The following TRPM3 variants were observed in gnomAD, a reference collection of about 807,000 sequenced individuals.
TRPM3 encodes transient receptor potential cation channel subfamily M member 3, also known as long transient receptor potential channel 3.
In TRPM3, 77 loss-of-function variants were observed where a neutral mutation model predicts 181.2. The observed-to-expected ratio is 0.42, with a 90% confidence interval of 0.35 to 0.51. TRPM3 has a LOEUF of 0.51. TRPM3 is among the 20% of genes least tolerant of loss of function. The pLI, the probability that TRPM3 is intolerant of heterozygous loss-of-function variation, is 0.01. For synonymous variants in TRPM3, 745 were observed against 796.4 expected (o/e 0.94, Z 1.09); for missense variants, 1,759 against 2,196.7 (o/e 0.80, Z 3.98).
chr9:71,335,064 T>G (rs892365371), intron 1 of TRPM3, among the ~76,000 whole-genome samples: 1 of 152,140 alleles, frequency 6.6e-6, no homozygotes, highest in African/African-American at 2.4e-5. Context: ...TGAAATGAAC[T>G]AGAAGGTATT....
intron 9 of TRPM3, among the ~76,000 whole-genome samples, chr9:70,658,492 TATAA>T (rs1385088596): frequency 2.0e-5 from 3 of 152,180 alleles, no homozygotes; most frequent in East Asian, 1.9e-4. Context: ...GCTGTGATTG[TATAA>T]ATATGTTATT....
intron 1 of TRPM3, among the ~76,000 whole-genome samples, chr9:71,099,658 T>A (rs568350683): frequency 2.0e-5 from 3 of 152,276 alleles, no homozygotes; most frequent in Non-Finnish European, 2.9e-5. Context: ...ACCATCCACA[T>A]GCCAGGATAG....
At chr9:70,539,556 C>T (rs1455623784) in intron 25 of TRPM3, among the ~76,000 whole-genome samples, 2 of 151,886 alleles carry the variant, frequency 1.3e-5, no homozygotes, top group Non-Finnish European at 2.9e-5. Context: ...TGCCACCATC[C>T]CCAGGTGTAT....
intron 1 of TRPM3, among the ~76,000 whole-genome samples, chr9:71,261,972 C>G (rs2083086934): frequency 6.6e-6 from 1 of 152,180 alleles, no homozygotes; most frequent in Non-Finnish European, 1.5e-5. Context: ...CTGTCAGGAG[C>G]CACAGGGACC....
chr9:71,193,713 G>A (rs574105540), intron 1 of TRPM3, among the ~76,000 whole-genome samples: 1 of 151,794 alleles, frequency 6.6e-6, no homozygotes, highest in Non-Finnish European at 1.5e-5. Flanking sequence ...CTATTCTCTT[G>A]TATTACTGAG....
chr9:70,782,126 T>G (rs983856319), intron 7 of TRPM3, among the ~76,000 whole-genome samples: 1 of 151,918 alleles, frequency 6.6e-6, no homozygotes, highest in East Asian at 1.9e-4. Flanking sequence ...CTAAAATCTG[T>G]ATTAAAATTA....
chr9:71,292,114 A>G (rs565106859), intron 1 of TRPM3, among the ~76,000 whole-genome samples: 1 of 152,184 alleles, frequency 6.6e-6, no homozygotes, highest in South Asian at 2.1e-4. Flanking sequence ...GAGCGCATGT[A>G]AAAGTAAAGC....
chr9:70,933,658 C>A (rs985029072), intron 1 of TRPM3, among the ~76,000 whole-genome samples: 11 of 151,490 alleles, frequency 7.3e-5, no homozygotes, highest in African/African-American at 1.2e-4. Context: ...AAGGAAAAGG[C>A]AGGGATAGAG....
chr9:71,441,538 T>C (rs914863711), intron 1 of TRPM3, among the ~76,000 whole-genome samples: 1 of 152,072 alleles, frequency 6.6e-6, no homozygotes, highest in Non-Finnish European at 1.5e-5. Context: ...GCTTCTACGA[T>C]AGCCACAAAG....
chr9:71,409,180 C>T (rs1284408954), intron 1 of TRPM3, among the ~76,000 whole-genome samples: 1 of 152,134 alleles, frequency 6.6e-6, no homozygotes, highest in Non-Finnish European at 1.5e-5. Context: ...ACCATCGATG[C>T]TAGGAAGACA....
At chr9:70,983,682 G>A (rs2097389126) in intron 1 of TRPM3, among the ~76,000 whole-genome samples, 1 of 152,162 alleles carries the variant, frequency 6.6e-6, no homozygotes, top group Non-Finnish European at 1.5e-5. Flanking sequence ...TGTTGGAATG[G>A]GGAAGCTGTA....
Position 70,771,836 on chromosome 9 carries a change from A to G in TRPM3, c.1149-10112T>C, listed in dbSNP as rs1375458685. Among the ~76,000 whole-genome samples, 6 of 152,242 alleles carry G rather than the reference A, an allele frequency of 3.9e-5. No homozygotes were observed. In the South Asian group the frequency reaches 6.2e-4, roughly 16 times the overall value. ...ACTCTGCTTTCTTACCCCATAGCAT[A>G]TATCTTCTAAAATATTATATAATGT... On this transcript the variant is annotated intron_variant, in intron 7 of 25. Coordinates refer to ENST00000677713, the MANE Select transcript of TRPM3 (RefSeq NM_001366145.2).
intron 1 of TRPM3, among the ~76,000 whole-genome samples, chr9:71,301,235 C>A (rs1162363720): frequency 1.3e-5 from 2 of 152,086 alleles, no homozygotes; most frequent in Non-Finnish European, 2.9e-5. Context: ...TGACACAGCA[C>A]CCTGTCCAAG....
intron 1 of TRPM3, among the ~76,000 whole-genome samples, chr9:71,437,885 A>G (rs913735693): frequency 7.2e-4 from 110 of 152,030 alleles, no homozygotes; most frequent in African/African-American, 2.6e-3. Context: ...AAAAAAGAAA[A>G]AAAAACCCTA....
At chr9:71,163,844 A>G (rs903440017) in intron 1 of TRPM3, among the ~76,000 whole-genome samples, 1 of 152,104 alleles carries the variant, frequency 6.6e-6, no homozygotes, top group Non-Finnish European at 1.5e-5. Context: ...AACCAAAGAA[A>G]GAGATTTTTA....
intron 1 of TRPM3, among the ~76,000 whole-genome samples, chr9:71,118,605 A>G (rs1392996650): frequency 1.3e-5 from 2 of 152,208 alleles, no homozygotes; most frequent in Non-Finnish European, 2.9e-5. Context: ...ATCAGGACCT[A>G]CACTGCATTT....
At position 70,902,914 on chromosome 9, in the gene TRPM3, C is replaced by T. The variant is rs535377441; in HGVS notation, c.178-38403G>A. Among the ~76,000 whole-genome samples the T allele has an allele frequency of 2.0e-5, 3 of 152,318 alleles. No individual in the cohort carries two copies. The South Asian group carries it at 6.2e-4, about 32-fold the overall frequency. ...TAAATAGCAGAGCAGATGTAACCCT[C>T]GGCCTGCCTCCAGTTCACAGTCTGG... is the stretch of plus-strand genomic sequence containing the variant. On this transcript the variant is annotated intron_variant, in intron 1 of 25. Transcript: ENST00000677713.
chr9:71,435,459 T>C (rs183726117), intron 1 of TRPM3, among the ~76,000 whole-genome samples: 2 of 152,352 alleles, frequency 1.3e-5, no homozygotes, highest in East Asian at 1.9e-4. Context: ...ACTAGTAAGA[T>C]AGGCAATTTC....
At chr9:70,562,805 T>C (rs1315346080) in intron 22 of TRPM3, among the ~76,000 whole-genome samples, 2 of 152,194 alleles carry the variant, frequency 1.3e-5, no homozygotes, top group Non-Finnish European at 2.9e-5. Context: ...GGAATTAATA[T>C]CAGAAATATT....
Sources: allele counts gnomAD v4.1 joint callset (sites outside exome capture counted in the v4.1 genomes callset), GRCh38; gene constraint gnomAD v4.1.1; transcripts MANE v1.5; gene names NCBI Gene and HGNC (gene_info 2026-07-23, HGNC 2026-07-21).